SKAP1: variants seen among roughly 807,000 people sequenced by gnomAD.
SKAP1 encodes the protein src kinase associated phosphoprotein 1, also known as src kinase-associated phosphoprotein 1.
SKAP1 carries 44 observed loss-of-function variants against 58.5 expected under a neutral mutation model. The observed-to-expected ratio is 0.75, with a 90% CI of 0.59 to 0.97. SKAP1 has a LOEUF of 0.97. SKAP1 is among the 50% of genes least tolerant of loss of function. The pLI is 0.00. For missense variants in SKAP1, 390 were observed against 435.2 expected (o/e 0.90, Z 0.92); for synonymous variants, 127 against 149.7 (o/e 0.85, Z 1.11).
intron 4 of SKAP1, among the ~76,000 whole-genome samples, chr17:48,219,886 C>G (rs1437652611): frequency 6.6e-6 from 1 of 152,144 alleles, no homozygotes; most frequent in Non-Finnish European, 1.5e-5. Flanking sequence ...TTGTTCCTCA[C>G]AGAGGAGATG....
chr17:48,434,893 CA>C (rs1418657324), upstream of SKAP1, among the ~76,000 whole-genome samples: 2 of 152,080 alleles, frequency 1.3e-5, no homozygotes, highest in African/African-American at 4.8e-5. Context: ...GAGGCCGAGG[CA>C]GGGGGATCAC....
intron 11 of SKAP1, among the ~76,000 whole-genome samples, chr17:48,157,325 T>A (rs527424099): frequency 6.6e-6 from 1 of 152,002 alleles, no homozygotes; most frequent in South Asian, 2.1e-4. Flanking sequence ...AACCTCTGCC[T>A]TCCAGGGTCA....
chr17:48,177,587 G>T (rs2064308198), intron 9 of SKAP1, among the ~76,000 whole-genome samples: 1 of 152,024 alleles, frequency 6.6e-6, no homozygotes, highest in South Asian at 2.1e-4. Context: ...CTGCTTGGTA[G>T]ATGGTCTTAT....
At chr17:48,398,237 T>C (rs912002813) in intron 1 of SKAP1, among the ~76,000 whole-genome samples, 1 of 152,204 alleles carries the variant, frequency 6.6e-6, no homozygotes, top group African/African-American at 2.4e-5. Flanking sequence ...CTCCAGCTCC[T>C]GTCAGATCAG....
chr17:48,252,446 G>A (rs1475329052), intron 4 of SKAP1, among the ~76,000 whole-genome samples: 9 of 152,128 alleles, frequency 5.9e-5, no homozygotes, highest in East Asian at 1.9e-4. Context: ...GTTGTTTTGC[G>A]CTGGATTTCA....
intron 4 of SKAP1, among the ~76,000 whole-genome samples, chr17:48,259,968 A>T (rs2065467518): frequency 6.6e-6 from 1 of 152,196 alleles, no homozygotes; most frequent in Non-Finnish European, 1.5e-5. Flanking sequence ...AAAACAAGTT[A>T]AAAACATACT....
intron 1 of SKAP1, 57 bp downstream of exon 1, chr17:48,430,018 G>C: frequency 8.1e-7 from 1 of 1,237,652 alleles, no homozygotes; most frequent in East Asian, 3.1e-5. Context: ...TGGGAGGCCT[G>C]GTGTCCCCTT....
chr17:48,186,970 C>A (rs894568041), intron 6 of SKAP1, among the ~76,000 whole-genome samples: 1 of 152,158 alleles, frequency 6.6e-6, no homozygotes, highest in Non-Finnish European at 1.5e-5. Flanking sequence ...TACGAAGGTG[C>A]ACAGTACAAG....
At chr17:48,438,028 C>T in the SKAP1 span, among the ~76,000 whole-genome samples, 4 of 152,132 alleles carry the variant, frequency 2.6e-5, no homozygotes, top group South Asian at 6.2e-4. Flanking sequence ...CATCCCATGC[C>T]ACCCCTCATA....
chr17:48,304,343 A>G (rs1207273528), intron 4 of SKAP1, among the ~76,000 whole-genome samples: 1 of 152,232 alleles, frequency 6.6e-6, no homozygotes, highest in East Asian at 1.9e-4. Context: ...GATTCCTTTG[A>G]AAGTTACAAT....
At chr17:48,248,407 A>AAAC (rs2065320858) in intron 4 of SKAP1, among the ~76,000 whole-genome samples, 1 of 152,098 alleles carries the variant, frequency 6.6e-6, no homozygotes, top group Non-Finnish European at 1.5e-5. Flanking sequence ...TTTCTACTAA[A>AAAC]AATACAAAAA....
chr17:48,417,791 A>G (rs558673177), intron 1 of SKAP1, among the ~76,000 whole-genome samples: 1 of 152,222 alleles, frequency 6.6e-6, no homozygotes, highest in Non-Finnish European at 1.5e-5. Context: ...ATGTACACTA[A>G]GATACACAGA....
chr17:48,137,449 A>G, intron 11 of SKAP1, 112 bp from the exon 12 acceptor site: 1 of 695,604 alleles, frequency 1.4e-6, no homozygotes, highest in Non-Finnish European at 2.5e-6. Context: ...TGCCATTATC[A>G]CTGTGAACTG....
chr17:48,188,000 A>T lies in SKAP1; in HGVS notation c.359-74T>A, dbSNP rs1024441204. ...TGAAGAGTCTGTAAAATCCAACAAC[A>T]TACAGTCCAGTGTGTTATTGTTTTA... On this transcript the variant is annotated intron_variant, in intron 5 of 12. Transcript: ENST00000336915. The T allele has an allele frequency of 5.6e-5, 60 of 1,062,060 alleles. 2 individuals carry two copies. In the South Asian group the frequency reaches 7.3e-4, roughly 13 times the overall value. 65.8% of individuals were successfully genotyped at this position (1,062,060 alleles called of 1,614,324 possible).
chr17:48,164,793 T>C (rs775658231), intron 10 of SKAP1, among the ~76,000 whole-genome samples: 46 of 152,194 alleles, frequency 3.0e-4, no homozygotes, highest in Non-Finnish European at 6.0e-4. Flanking sequence ...AGTTTGAACT[T>C]GCTAGCTAGC....
rs544890810 is a variant in SKAP1, at chr17:48,206,584, G to A, written c.281-17084C>T. Among the ~76,000 whole-genome samples, 14 of 152,144 alleles carry A rather than the reference G, an allele frequency of 9.2e-5. No homozygotes were observed. In the East Asian group the frequency reaches 2.7e-3, roughly 29 times the overall value. ...TATGATATAACCACACTCGAAACAT[G>A]AAGAATGGGGAATTGATGGCTGGGA... On this transcript the variant is annotated intron_variant, in intron 4 of 12. Coordinates refer to ENST00000336915, the MANE Select transcript of SKAP1 (RefSeq NM_003726.4).
chr17:48,401,423 A>G (rs2067497831), intron 1 of SKAP1, among the ~76,000 whole-genome samples: 1 of 152,204 alleles, frequency 6.6e-6, no homozygotes, highest in Non-Finnish European at 1.5e-5. Context: ...TGGCATAAGG[A>G]CAGAGATAAA....
chr17:48,319,596 G>A (rs556608805), intron 4 of SKAP1, among the ~76,000 whole-genome samples: 1 of 152,166 alleles, frequency 6.6e-6, no homozygotes, highest in South Asian at 2.1e-4. Context: ...TGTAATCCCA[G>A]CACCTTGGGA....
chr17:48,189,631 A>G (rs938434946), intron 4 of SKAP1, 131 bp from the exon 5 acceptor site: 3 of 607,996 alleles, frequency 4.9e-6, no homozygotes, highest in African/African-American at 3.8e-5. Context: ...ACAAAATAAA[A>G]CAATTTCTGT....
Sources: gnomAD v4.1 joint callset for allele counts (sites outside exome capture counted in the v4.1 genomes callset) on GRCh38, gnomAD v4.1.1 for gene constraint, MANE v1.5 for transcripts, NCBI Gene and HGNC (gene_info 2026-07-23, HGNC 2026-07-21) for gene names.